The following FSTL5 variants were observed in gnomAD, a reference collection of about 807,000 sequenced individuals.
FSTL5 encodes follistatin-related protein 5.
Under a neutral mutation model 89.1 loss-of-function variants are expected in FSTL5, and 62 were observed. That is an observed-to-expected ratio of 0.70 (90% CI 0.57 to 0.86). The LOEUF (loss-of-function observed/expected upper bound fraction) is 0.86, where lower values mean the gene tolerates loss of function less well. Ranked by LOEUF, FSTL5 falls within the 40% of genes least tolerant of loss-of-function variation. The probability of loss-of-function intolerance (pLI) is 0.00; values close to 1 mark genes in which losing one functional copy is unlikely to be tolerated. For synonymous variants in FSTL5, 383 were observed against 346.2 expected (o/e 1.11, Z -1.18); for missense variants, 1,057 against 1,001.6 (o/e 1.06, Z -0.75).
At chr4:161,894,036 GT>G (rs1467407815) in intron 4 of FSTL5, among the ~76,000 whole-genome samples, 2 of 152,112 alleles carry the variant, frequency 1.3e-5, no homozygotes, top group Admixed American at 6.6e-5. Flanking sequence ...TATATAGGTT[GT>G]TTTATAAAAT....
intron 12 of FSTL5, among the ~76,000 whole-genome samples, chr4:161,494,437 G>A (rs1177021601): frequency 2.0e-5 from 3 of 152,088 alleles, no homozygotes; most frequent in African/African-American, 7.2e-5. Flanking sequence ...ACAGAACAAG[G>A]GAATTGATGA....
rs535765696 is a variant in FSTL5, at chr4:161,519,612, T to C, written c.1313-9188A>G. The stretch of plus-strand genomic sequence containing the variant: ...TCTAGCTAACATCCTCCTAGCCAGA[T>C]TGGCAACACCTAAGCTTCTAATTAT... On this transcript the variant is annotated intron_variant, in intron 10 of 15. Transcript: ENST00000306100. Among the ~76,000 whole-genome samples the C allele has an allele frequency of 2.7e-3, 410 of 152,304 alleles. 3 individuals are homozygous for C. Among genetic ancestry groups the C allele is most frequent in the Non-Finnish European group, 5.1e-3 (346 of 68,008 alleles).
chr4:161,834,920 A>C lies in FSTL5; in HGVS notation c.410-58846T>G, dbSNP rs1209531795. 2.0e-5 allele frequency among the ~76,000 whole-genome samples: 3 copies of C among 150,894 alleles called. No homozygotes were observed. In the East Asian group the frequency reaches 5.8e-4, roughly 29 times the overall value. Reference sequence around the variant, plus strand: ...TCAATGCCATCCCCATCAAGCTACCAATGACTTTCTTCACAGAATTGGAAA... The same window carrying C: ...TCAATGCCATCCCCATCAAGCTACCCATGACTTTCTTCACAGAATTGGAAA... On this transcript the variant is annotated intron_variant, in intron 4 of 15. Transcript: ENST00000306100.
chr4:162,104,676 A>G (rs968579700), intron 2 of FSTL5, among the ~76,000 whole-genome samples: 1 of 152,158 alleles, frequency 6.6e-6, no homozygotes, highest in African/African-American at 2.4e-5. Flanking sequence ...TACCGCTACT[A>G]CTGTGAAGAA....
At chr4:161,728,503 G>A (rs1434621) in intron 6 of FSTL5, among the ~76,000 whole-genome samples, 1 of 151,882 alleles carries the variant, frequency 6.6e-6, no homozygotes, top group Non-Finnish European at 1.5e-5. Flanking sequence ...GAGTGATGAT[G>A]ATAATGTTGA....
Position 161,620,204 on chromosome 4 carries a change from G to T in FSTL5, c.895-32629C>A, listed in dbSNP as rs1363424223. Among the ~76,000 whole-genome samples, 4 of 109,956 alleles carry T rather than the reference G, an allele frequency of 3.6e-5. No homozygotes were observed. The Admixed American group carries it at 4.8e-4, about 13-fold the overall frequency. 72.1% of individuals were successfully genotyped at this position (109,956 alleles called of 152,430 possible). On this transcript the variant is annotated intron_variant, in intron 7 of 15. Coordinates refer to ENST00000306100, the MANE Select transcript of FSTL5 (RefSeq NM_020116.5). The stretch of plus-strand genomic sequence containing the variant: ...GGGACTGTTGTGGGGTGGGGGGAGG[G>T]GGGAGGGATAGCTTTAGGAGATATA...
chr4:161,635,998 T>C (rs1485973021), intron 7 of FSTL5, among the ~76,000 whole-genome samples: 1 of 152,160 alleles, frequency 6.6e-6, no homozygotes. Flanking sequence ...TAATTGTGTT[T>C]TTGTTCCCTT....
chr4:162,008,292 A>G (rs1262977024), intron 3 of FSTL5, among the ~76,000 whole-genome samples: 1 of 151,820 alleles, frequency 6.6e-6, no homozygotes, highest in African/African-American at 2.4e-5. Context: ...CTATATAGTT[A>G]TAATAATAGT....
chr4:162,125,538 A>C (rs1217492763), intron 1 of FSTL5, among the ~76,000 whole-genome samples: 1 of 152,046 alleles, frequency 6.6e-6, no homozygotes, highest in Non-Finnish European at 1.5e-5. Flanking sequence ...ATTTGTTTCC[A>C]TTAAACTATC....
At chr4:161,980,097 AGAAAGAGGAAGGAAGGAGAGAAAAGG>A (rs1735775363) in intron 3 of FSTL5, among the ~76,000 whole-genome samples, 1 of 150,958 alleles carries the variant, frequency 6.6e-6, no homozygotes, top group Non-Finnish European at 1.5e-5. Context: ...AAAAAGAAAA[AGAAAGAGGAAGGAAGGAGAGAAAAGG>A]AAAAGAAAGA....
At chr4:161,615,469 A>G (rs962247136) in intron 7 of FSTL5, among the ~76,000 whole-genome samples, 9 of 150,740 alleles carry the variant, frequency 6.0e-5, no homozygotes, top group African/African-American at 2.2e-4. Context: ...AAAAAGAAAG[A>G]AAAAGAAATA....
intron 2 of FSTL5, among the ~76,000 whole-genome samples, chr4:162,073,625 T>C (rs1295128536): frequency 6.6e-6 from 1 of 151,924 alleles, no homozygotes; most frequent in Non-Finnish European, 1.5e-5. Context: ...TAACAGCAAG[T>C]ATAAAAAATA....
rs1460292404 is a variant in FSTL5, at chr4:162,163,880, G to A, written c.-282C>T. The A allele has an allele frequency of 6.6e-6, 1 of 152,324 alleles. No individual in the cohort carries two copies. Among genetic ancestry groups the A allele is most frequent in the Non-Finnish European group, 1.5e-5 (1 of 68,176 alleles). The allele number at this position is 152,324 out of a possible 1,614,324, so 9.4% of individuals were successfully genotyped here. A position where few individuals can be genotyped will look rare whatever the true frequency, so the allele number is the denominator to read the frequency against. ...TGAAGCGGGTCCCACAGGGCACAGAGGGTGCAAGAGGGCGTTGCCTTCAGG... is the reference window on the plus strand; with the variant it reads ...TGAAGCGGGTCCCACAGGGCACAGAAGGTGCAAGAGGGCGTTGCCTTCAGG... On this transcript the variant is annotated 5_prime_UTR_variant, in exon 1 of 16. Coordinates refer to ENST00000306100, the MANE Select transcript of FSTL5 (RefSeq NM_020116.5).
chr4:162,102,760 TATAAC>T (rs969137711), intron 2 of FSTL5, among the ~76,000 whole-genome samples: 1 of 146,798 alleles, frequency 6.8e-6, no homozygotes, highest in African/African-American at 2.5e-5. Context: ...TATAAATATG[TATAAC>T]ATATTTATAT....
chr4:161,886,065 C>G (rs965913196), intron 4 of FSTL5, among the ~76,000 whole-genome samples: 1 of 151,850 alleles, frequency 6.6e-6, no homozygotes, highest in African/African-American at 2.4e-5. Context: ...CATTGCATAC[C>G]AGGTCTTGAG....
chr4:162,070,719 T>C (rs1416857891), intron 2 of FSTL5, among the ~76,000 whole-genome samples: 1 of 151,580 alleles, frequency 6.6e-6, no homozygotes, highest in African/African-American at 2.4e-5. Flanking sequence ...GCAGAAACCT[T>C]ACAGGCCAAA....
chr4:161,843,066 C>A (rs1023464546), intron 4 of FSTL5, among the ~76,000 whole-genome samples: 6 of 152,022 alleles, frequency 3.9e-5, no homozygotes, highest in Non-Finnish European at 5.9e-5. Context: ...GTTTGCTGAG[C>A]AGTATCATTT....
chr4:161,753,085 T>C (rs1176572093), intron 6 of FSTL5, among the ~76,000 whole-genome samples: 2 of 152,198 alleles, frequency 1.3e-5, no homozygotes, highest in Non-Finnish European at 2.9e-5. Flanking sequence ...TCCTCCACTT[T>C]TGCTCATTCT....
At chr4:162,119,837 C>T (rs556834812) in intron 1 of FSTL5, among the ~76,000 whole-genome samples, 1 of 152,174 alleles carries the variant, frequency 6.6e-6, no homozygotes, top group East Asian at 1.9e-4. Context: ...CCTACCCTTC[C>T]CAGGCTCTAG....
Sources: gnomAD v4.1 joint callset for allele counts (sites outside exome capture counted in the v4.1 genomes callset) on GRCh38, gnomAD v4.1.1 for gene constraint, MANE v1.5 for transcripts, NCBI Gene and HGNC (gene_info 2026-07-23, HGNC 2026-07-21) for gene names.